MRTFA: variants seen among roughly 807,000 people sequenced by gnomAD.
MRTFA encodes myocardin related transcription factor A.
A neutral mutation model predicts 83.5 loss-of-function variants in MRTFA; 20 were observed. The ratio of observed to expected loss-of-function variants is 0.24; its 90% CI spans 0.17 to 0.35. The LOEUF is 0.35. MRTFA is among the 10% of genes least tolerant of loss of function. MRTFA has a pLI of 1.00. For synonymous variants in MRTFA, 659 were observed against 541.2 expected (o/e 1.22, Z -3.02); for missense variants, 1,200 against 1,224.7 (o/e 0.98, Z 0.30).
chr22:40,410,654 G>T lies in MRTFA; in HGVS notation c.*736C>A. The T allele has an allele frequency of 4.3e-6, 1 of 233,518 alleles. No homozygotes were observed. Among genetic ancestry groups the T allele is most frequent in the Non-Finnish European group, 8.5e-6 (1 of 117,952 alleles). 14.5% of individuals were successfully genotyped at this position (233,518 alleles called of 1,614,324 possible). A position where few individuals can be genotyped will look rare whatever the true frequency, so the allele number is the denominator to read the frequency against. On this transcript the variant is annotated 3_prime_UTR_variant, in exon 15 of 15. Transcript: ENST00000355630. ...CCTACATGTCAATCACACGTGATGG[G>T]TGGGCCTGGGTAGCTGCATGCCAGA...
At chr22:40,486,036 G>A (rs780518914) in intron 3 of MRTFA, among the ~76,000 whole-genome samples, 3 of 152,146 alleles carry the variant, frequency 2.0e-5, no homozygotes, top group Admixed American at 6.5e-5. Flanking sequence ...CCCACTGCCC[G>A]AGTGTGTTCA....
intron 1 of MRTFA, among the ~76,000 whole-genome samples, chr22:40,609,589 G>C (rs924806075): frequency 6.6e-6 from 1 of 151,894 alleles, no homozygotes; most frequent in Admixed American, 6.6e-5. Context: ...CCAGCACTCT[G>C]GGAGGCCTAG....
chr22:40,543,632 T>C (rs763965790), intron 3 of MRTFA, among the ~76,000 whole-genome samples: 2 of 152,158 alleles, frequency 1.3e-5, no homozygotes, highest in African/African-American at 2.4e-5. Context: ...TACAATCTCA[T>C]TAAAACACAC....
In MRTFA at chr22:40,502,806, T is replaced by C. The variant is rs1052794074; in HGVS notation, c.242-39520A>G. 1.6e-4 allele frequency among the ~76,000 whole-genome samples: 25 copies of C among 152,208 alleles called. 2 individuals are homozygous for C. Among genetic ancestry groups the C allele is most frequent in the African/African-American group, 5.3e-4 (22 of 41,502 alleles). On this transcript the variant is annotated intron_variant, in intron 3 of 14. Transcript: ENST00000355630. ...GCGGCAAAGACTGAGACAGCTCCGC[T>C]GCCCGCTGAACTCCATCCTCCCCCC...
intron 2 of MRTFA, among the ~76,000 whole-genome samples, chr22:40,557,892 G>C (rs1029279213): frequency 6.6e-6 from 1 of 152,238 alleles, no homozygotes; most frequent in Non-Finnish European, 1.5e-5. Flanking sequence ...TCCTGCCTCA[G>C]CCTCCCGAGT....
At chr22:40,429,253 C>G in intron 7 of MRTFA, 3 of 599,108 alleles carry the variant, frequency 5.0e-6, no homozygotes, top group East Asian at 2.8e-5. Context: ...GAGTATGACA[C>G]AGATTTCTAA....
rs1269461982 is a variant in MRTFA at position 40,419,401 on chromosome 22, A to G, written c.1354-17T>C. On this transcript the variant is annotated splice_polypyrimidine_tract_variant and intron_variant, in intron 11 of 14. Coordinates refer to ENST00000355630, the MANE Select transcript of MRTFA (RefSeq NM_020831.6). The stretch of plus-strand genomic sequence containing the variant: ...CTCTGCCACCTGCAAGGCAGTCAAG[A>G]GTCAGGGAGGCCAGGGGCAGCTGGA... The G allele has an allele frequency of 6.2e-7, 1 of 1,611,128 alleles. No homozygotes were observed. Among genetic ancestry groups the G allele is most frequent in the South Asian group, 1.1e-5 (1 of 91,000 alleles).
chr22:40,492,384 C>T (rs181842593), intron 3 of MRTFA, among the ~76,000 whole-genome samples: 150 of 152,308 alleles, frequency 9.8e-4, no homozygotes, highest in African/African-American at 3.3e-3. Context: ...CCTGTCAGCA[C>T]TGGGCCTAGA....
At chr22:40,446,753 T>A (rs1159531892) in intron 4 of MRTFA, among the ~76,000 whole-genome samples, 2 of 152,116 alleles carry the variant, frequency 1.3e-5, no homozygotes, top group African/African-American at 2.4e-5. Flanking sequence ...AAAGAGTGAA[T>A]AAGAAGTGAG....
intron 2 of MRTFA, among the ~76,000 whole-genome samples, chr22:40,568,479 T>C (rs2055737800): frequency 6.6e-6 from 1 of 152,222 alleles, no homozygotes; most frequent in Non-Finnish European, 1.5e-5. Context: ...TCATGGCTCA[T>C]TATTCTTCCT....
chr22:40,495,302 A>T (rs2054332821), intron 3 of MRTFA, among the ~76,000 whole-genome samples: 1 of 152,068 alleles, frequency 6.6e-6, no homozygotes, highest in South Asian at 2.1e-4. Context: ...TACAAAAAAA[A>T]TTAGCCAGGT....
intron 9 of MRTFA, 57 bp downstream of exon 9, chr22:40,423,479 A>T (rs574137481): frequency 7.2e-7 from 1 of 1,382,020 alleles, no homozygotes; most frequent in Non-Finnish European, 9.5e-7. Flanking sequence ...ATGAAGTCAC[A>T]GCAGGACTCC....
At chr22:40,475,940 T>G (rs971443797) in intron 3 of MRTFA, among the ~76,000 whole-genome samples, 1 of 151,970 alleles carries the variant, frequency 6.6e-6, no homozygotes, top group African/African-American at 2.4e-5. Flanking sequence ...GTCAGGAGAT[T>G]GAGACCATCC....
Position 40,481,632 on chromosome 22 carries a change from G to A in MRTFA, c.242-18346C>T, listed in dbSNP as rs371880257. Among the ~76,000 whole-genome samples, 7 of 152,250 alleles carry A rather than the reference G, an allele frequency of 4.6e-5. No homozygotes were observed. The South Asian group carries it at 8.3e-4, about 18-fold the overall frequency. ...CAGAGAAGGCCCTTTTGAAGAGACC[G>A]ATGACTCTTGGACAGAAACCTAAAT... On this transcript the variant is annotated intron_variant, in intron 3 of 14. Coordinates refer to ENST00000355630, the MANE Select transcript of MRTFA (RefSeq NM_020831.6).
chr22:40,632,289 C>T (rs931688516), intron 1 of MRTFA, among the ~76,000 whole-genome samples: 1 of 151,988 alleles, frequency 6.6e-6, no homozygotes, highest in African/African-American at 2.4e-5. Flanking sequence ...CATATTACTG[C>T]AATTTTTTTT....
At chr22:40,606,520 T>A (rs1162198334) in intron 1 of MRTFA, among the ~76,000 whole-genome samples, 1 of 152,234 alleles carries the variant, frequency 6.6e-6, no homozygotes, top group Non-Finnish European at 1.5e-5. Context: ...CAAGGTCACA[T>A]AGCTATTAAG....
chr22:40,475,872 C>A (rs1023464237), intron 3 of MRTFA, among the ~76,000 whole-genome samples: 1 of 152,194 alleles, frequency 6.6e-6, no homozygotes, highest in Admixed American at 6.5e-5. Flanking sequence ...CGGCCAGGCA[C>A]GGTGGCTCAC....
At chr22:40,422,382 G>T (rs978870069) in intron 9 of MRTFA, among the ~76,000 whole-genome samples, 1 of 152,158 alleles carries the variant, frequency 6.6e-6, no homozygotes, top group Non-Finnish European at 1.5e-5. Flanking sequence ...TTCCAAACGT[G>T]GTAGGCAAAG....
At chr22:40,462,915 A>G (rs2053741049) in intron 4 of MRTFA, among the ~76,000 whole-genome samples, 1 of 152,260 alleles carries the variant, frequency 6.6e-6, no homozygotes, top group Non-Finnish European at 1.5e-5. Flanking sequence ...AAAGGGAAGT[A>G]TAACAGAGTG....
Sources: allele counts gnomAD v4.1 joint callset (sites outside exome capture counted in the v4.1 genomes callset), GRCh38; gene constraint gnomAD v4.1.1; transcripts MANE v1.5; gene names NCBI Gene and HGNC (gene_info 2026-07-23, HGNC 2026-07-21).